Variants in GPC6 observed in about 807,000 individuals in gnomAD.
The protein encoded by GPC6 is glypican-6.
A neutral mutation model predicts 55.2 loss-of-function variants in GPC6; 14 were observed. The ratio of observed to expected loss-of-function variants is 0.25; its 90% confidence interval spans 0.17 to 0.40. The LOEUF (loss-of-function observed/expected upper bound fraction) is 0.40. GPC6 is among the 10% of genes least tolerant of loss of function. The pLI is 1.00. For missense variants in GPC6, 641 were observed against 708.5 expected (o/e 0.90, Z 1.08); for synonymous variants, 278 against 259.6 (o/e 1.07, Z -0.68).
intron 3 of GPC6, among the ~76,000 whole-genome samples, chr13:93,912,615 C>T (rs536625121): frequency 1.4e-4 from 21 of 152,170 alleles, no homozygotes; most frequent in East Asian, 7.7e-4. Flanking sequence ...TGGTGGCGGG[C>T]GCCTGTAGTC....
At chr13:93,726,732 G>A (rs529642258) in intron 2 of GPC6, among the ~76,000 whole-genome samples, 1 of 152,018 alleles carries the variant, frequency 6.6e-6, no homozygotes, top group South Asian at 2.1e-4. Context: ...CTTTTTTGTA[G>A]TTATCCCTGC....
intron 1 of GPC6, among the ~76,000 whole-genome samples, chr13:93,439,215 A>G (rs1226286613): frequency 1.3e-5 from 2 of 152,136 alleles, no homozygotes; most frequent in East Asian, 3.9e-4. Context: ...TCTAGAACTG[A>G]ACCTACAATA....
intron 3 of GPC6, among the ~76,000 whole-genome samples, chr13:93,989,571 C>T (rs1312767107): frequency 6.6e-6 from 1 of 152,020 alleles, no homozygotes; most frequent in East Asian, 1.9e-4. Flanking sequence ...GGCTCAGTGC[C>T]GAAAAACTTT....
At chr13:93,830,840 G>A (rs1269488277) in intron 3 of GPC6, 2 of 336,858 alleles carry the variant, frequency 5.9e-6, no homozygotes, top group Non-Finnish European at 1.1e-5. Flanking sequence ...CAGGCACGTT[G>A]CAACTATGAT....
intron 4 of GPC6, among the ~76,000 whole-genome samples, chr13:94,191,609 GA>G (rs111423235): frequency 0.26 from 35,668 of 138,684 alleles, 5,766 homozygotes; most frequent in African/African-American, 0.45. Flanking sequence ...TCTTAAGCTG[GA>G]AAAAAAAAAA....
At chr13:93,408,587 T>C (rs1876381791) in intron 1 of GPC6, among the ~76,000 whole-genome samples, 1 of 152,168 alleles carries the variant, frequency 6.6e-6, no homozygotes, top group Non-Finnish European at 1.5e-5. Flanking sequence ...CAGTGGTGGC[T>C]GAATAGGAAA....
At chr13:94,309,653 G>A (rs775878459) in intron 6 of GPC6, among the ~76,000 whole-genome samples, 5 of 151,746 alleles carry the variant, frequency 3.3e-5, no homozygotes, top group African/African-American at 4.8e-5. Context: ...AGTGGTTTGT[G>A]TTATCCAAGA....
intron 6 of GPC6, among the ~76,000 whole-genome samples, chr13:94,325,353 G>C (rs114984768): frequency 0.015 from 2,257 of 152,250 alleles, 63 homozygotes; most frequent in African/African-American, 0.052. Flanking sequence ...CAGGGCAGAG[G>C]GCAGTCAGTC....
intron 1 of GPC6, among the ~76,000 whole-genome samples, chr13:93,393,489 C>T (rs980688554): frequency 3.9e-5 from 6 of 151,976 alleles, no homozygotes; most frequent in Non-Finnish European, 7.4e-5. Flanking sequence ...TTAGCATTGC[C>T]AGAGTACCAA....
chr13:93,738,257 T>C (rs1478722230), intron 2 of GPC6, among the ~76,000 whole-genome samples: 1 of 152,192 alleles, frequency 6.6e-6, no homozygotes, highest in African/African-American at 2.4e-5. Context: ...TTTCATATGT[T>C]AGCTTTTTCA....
At chr13:94,067,020 T>C (rs1371800971) in intron 4 of GPC6, among the ~76,000 whole-genome samples, 1 of 152,182 alleles carries the variant, frequency 6.6e-6, no homozygotes, top group Non-Finnish European at 1.5e-5. Context: ...ACTTTCAAGG[T>C]ATTTTTGAAC....
chr13:94,324,433 A>G (rs924539204), intron 6 of GPC6, among the ~76,000 whole-genome samples: 2 of 152,222 alleles, frequency 1.3e-5, no homozygotes, highest in Admixed American at 1.3e-4. Context: ...TAGCCTTTTT[A>G]AAAAAACTCC....
intron 1 of GPC6, among the ~76,000 whole-genome samples, chr13:93,255,952 G>A (rs576508318): frequency 6.6e-6 from 1 of 152,098 alleles, no homozygotes; most frequent in African/African-American, 2.4e-5. Flanking sequence ...TGGCCAACAT[G>A]GAGAAACCTC....
chr13:94,043,695 T>C (rs1883623743), intron 4 of GPC6, among the ~76,000 whole-genome samples: 1 of 151,938 alleles, frequency 6.6e-6, no homozygotes, highest in African/African-American at 2.4e-5. Context: ...AATCCGGTTT[T>C]CTTTATCTGC....
At chr13:93,740,630 T>TA (rs1884168699) in intron 2 of GPC6, among the ~76,000 whole-genome samples, 1 of 152,206 alleles carries the variant, frequency 6.6e-6, no homozygotes, top group Non-Finnish European at 1.5e-5. Context: ...TTTTATGAGA[T>TA]AAAATCTCCT....
intron 1 of GPC6, among the ~76,000 whole-genome samples, chr13:93,302,894 G>A (rs1878730355): frequency 6.6e-6 from 1 of 152,164 alleles, no homozygotes; most frequent in Admixed American, 6.5e-5. Context: ...CTCCTAAGTA[G>A]CAGTCACCTC....
intron 6 of GPC6, among the ~76,000 whole-genome samples, chr13:94,308,076 G>A (rs2139114274): frequency 6.6e-6 from 1 of 152,196 alleles, no homozygotes; most frequent in African/African-American, 2.4e-5. Flanking sequence ...TAAAAGAACT[G>A]GGTACATTTT....
intron 4 of GPC6, among the ~76,000 whole-genome samples, chr13:94,284,040 T>G (rs1349453423): frequency 6.6e-6 from 1 of 152,188 alleles, no homozygotes; most frequent in African/African-American, 2.4e-5. Flanking sequence ...AAGGCATGGC[T>G]TTCCTTAGCC....
intron 4 of GPC6, among the ~76,000 whole-genome samples, chr13:94,274,547 T>A (rs1363572234): frequency 6.6e-6 from 1 of 152,190 alleles, no homozygotes; most frequent in East Asian, 1.9e-4. Flanking sequence ...GTGATCTTTT[T>A]GTATGAACCT....
Sources: allele counts gnomAD v4.1 joint callset (sites outside exome capture counted in the v4.1 genomes callset), GRCh38; gene constraint gnomAD v4.1.1; transcripts MANE v1.5; gene names NCBI Gene and HGNC (gene_info 2026-07-23, HGNC 2026-07-21).